The following DCTN1 variants were observed in gnomAD, a reference collection of about 807,000 sequenced individuals.
DCTN1 encodes the protein 150 kDa dynein-associated polypeptide.
Under a neutral mutation model 161.2 loss-of-function variants are expected in DCTN1, and 61 were observed. The ratio of observed to expected loss-of-function variants is 0.38; its 90% confidence interval spans 0.31 to 0.47. The LOEUF (loss-of-function observed/expected upper bound fraction) is 0.47. Ranked by LOEUF, DCTN1 falls within the 20% of genes least tolerant of loss-of-function variation. The pLI is 0.99. For synonymous variants in DCTN1, 653 were observed against 632.4 expected, an observed-to-expected ratio of 1.03 and a Z score of -0.49; for missense variants, 1,404 against 1,623.7, an observed-to-expected ratio of 0.86 and a Z score of 2.33.
At chr2:74,362,565 G>A in intron 30 of DCTN1, 85 bp downstream of exon 30, 1 of 1,429,350 alleles carries the variant, frequency 7.0e-7, no homozygotes, top group Non-Finnish European at 9.7e-7. Context: ...GTCTAGCACA[G>A]GGCTGGGCTC....
chr2:74,378,482 T>G (rs543895990), intron 1 of DCTN1, among the ~76,000 whole-genome samples: 4 of 152,374 alleles, frequency 2.6e-5, no homozygotes, highest in Non-Finnish European at 5.9e-5. Context: ...TTTATATTTT[T>G]TATAACAAAT....
At chr2:74,380,317 A>G (rs1213586936), upstream of DCTN1, 2 of 574,844 alleles carry the variant, frequency 3.5e-6, no homozygotes, top group Non-Finnish European at 6.5e-6. Context: ...ACTCTGCGCT[A>G]GTGCTGCTCT....
Position 74,362,079 on chromosome 2 carries a change from G to A in DCTN1, c.3672C>T (p.Ala1224=). 2 of 1,613,854 alleles carry A rather than the reference G, an allele frequency of 1.2e-6. No homozygotes were observed. The highest frequency in any genetic ancestry group is 1.7e-6 in the Non-Finnish European group (2 of 1,179,868). The change falls in exon 31 of 32, where the codon GCC becomes GCT. Residue 1224 remains alanine, a synonymous_variant. Transcript: ENST00000628224. The part of the protein sequence containing the change: ...RPGATVPTDF[A]TFPSSAFLRA... Reference sequence around the variant, plus strand: ...TGAGGAAGGCTGATGAAGGGAAGGTGGCAAAGTCAGTGGGTACTGTGGCTC... The same window carrying A: ...TGAGGAAGGCTGATGAAGGGAAGGTAGCAAAGTCAGTGGGTACTGTGGCTC...
upstream of DCTN1, among the ~76,000 whole-genome samples, chr2:74,383,068 C>T (rs1462978846): frequency 6.8e-6 from 1 of 147,666 alleles, no homozygotes; most frequent in South Asian, 2.1e-4. Flanking sequence ...GGCGACAGAG[C>T]GAGACTCCGT....
chr2:74,368,120 G>C lies in DCTN1; in HGVS notation c.1866C>G (p.Ile622Met), dbSNP rs774761747. ...CAAACTTCTCCTGGGCCTGCTTCCG[G>C]ATCAGCTCTGCCTGTGGGAAAAAGC... ...MPRLICKAEL[I>M]RKQAQEKFEL... Residue 622 changes from isoleucine to methionine, a missense_variant, in exon 17 of 32, where the codon ATC becomes ATG. Ile to Met is a conservative substitution (Grantham distance 10). Coordinates refer to ENST00000628224, the MANE Select transcript of DCTN1 (RefSeq NM_004082.5). The C allele has an allele frequency of 6.9e-6, 11 of 1,587,368 alleles. No homozygotes were observed. The East Asian group carries it at 2.5e-4, about 37-fold the overall frequency.
chr2:74,362,929 G>T, intron 29 of DCTN1, 65 bp downstream of exon 29: 3 of 1,572,266 alleles, frequency 1.9e-6, no homozygotes, highest in South Asian at 1.1e-5. Flanking sequence ...CCTGAGCAGG[G>T]GCTAAATCCC....
chr2:74,363,955 A>G, intron 26 of DCTN1: 1 of 441,514 alleles, frequency 2.3e-6, no homozygotes, highest in Non-Finnish European at 4.2e-6. Flanking sequence ...ATCTCCAAGA[A>G]GGGCACGGAG....
chr2:74,370,898 G>A lies in DCTN1; in HGVS notation c.844-73C>T. On this transcript the variant is annotated intron_variant, in intron 9 of 31. Coordinates refer to ENST00000628224, the MANE Select transcript of DCTN1 (RefSeq NM_004082.5). The surrounding 1 kb of genome is among the most constrained non-coding windows in gnomAD (Gnocchi z 4.4). ...CAGGCCTTTCTCACAGTATGTTCCAGGCTCCAGCTCCAGTCTAGTTTCCAG... is the reference window on the plus strand; with the variant it reads ...CAGGCCTTTCTCACAGTATGTTCCAAGCTCCAGCTCCAGTCTAGTTTCCAG... 6.2e-7 allele frequency: 1 copy of A among 1,613,358 alleles called. No homozygotes were observed. Among genetic ancestry groups the A allele is most frequent in the Non-Finnish European group, 8.5e-7 (1 of 1,179,814 alleles).
chr2:74,386,135 C>T (rs1675719139), intron 1 of DCTN1, among the ~76,000 whole-genome samples: 1 of 152,160 alleles, frequency 6.6e-6, no homozygotes, highest in Non-Finnish European at 1.5e-5. Context: ...ATCCCACTGT[C>T]CTGCCCCCTC....
intron 8 of DCTN1, 59 bp from the exon 9 acceptor site, chr2:74,371,235 G>C: frequency 6.2e-7 from 1 of 1,608,138 alleles, no homozygotes; most frequent in South Asian, 1.1e-5. Flanking sequence ...CACCAACACT[G>C]AGCTGGCGCA....
At position 74,369,417 on chromosome 2, in the gene DCTN1, C is replaced by T; in HGVS notation, c.1467G>A (p.Leu489=). Residue 489 remains leucine (L), a synonymous_variant, in exon 14 of 32, where the codon CTG becomes CTA. Transcript: ENST00000628224. This position sits in a 1 kb window ranked among gnomAD's most constrained non-coding sequence, Gnocchi z 4.9. The part of the protein sequence containing the change: ...RETELELREQ[L]DMAGARVREA... ...CACGAACCCGCGCGCCTGCCATGTCCAGCTGCTCCCGCAGCTCCAGTTCTG... is the reference window on the plus strand; with the variant it reads ...CACGAACCCGCGCGCCTGCCATGTCTAGCTGCTCCCGCAGCTCCAGTTCTG... The T allele has an allele frequency of 6.2e-7, 1 of 1,614,218 alleles. No homozygotes were observed. The highest frequency in any genetic ancestry group is 8.5e-7 in the Non-Finnish European group (1 of 1,180,038).
At chr2:74,373,011 C>A in intron 6 of DCTN1, 63 bp from the exon 7 acceptor site, 2 of 1,516,710 alleles carry the variant, frequency 1.3e-6, no homozygotes. Context: ...GGCAGAAAGA[C>A]AGAGAGCAAA....
chr2:74,365,715 G>A, intron 24 of DCTN1, 58 bp from the exon 25 acceptor site: 2 of 1,613,178 alleles, frequency 1.2e-6, no homozygotes, highest in South Asian at 1.1e-5. Flanking sequence ...CCTGGAAACT[G>A]GGGGCTAGAC....
chr2:74,377,382 C>T (rs1297924250), intron 4 of DCTN1, 50 bp downstream of exon 4: 8 of 1,538,220 alleles, frequency 5.2e-6, no homozygotes, highest in African/African-American at 1.4e-5. Flanking sequence ...CCTCCTCTTT[C>T]TCCTTCCCCT....
intron 5 of DCTN1, 104 bp downstream of exon 5, chr2:74,376,638 C>G (rs1675242605): frequency 1.7e-6 from 2 of 1,160,126 alleles, no homozygotes; most frequent in Non-Finnish European, 2.5e-6. Flanking sequence ...CATCCCAGCC[C>G]AAGGTCACAC....
At position 74,390,223 on chromosome 2, in the gene DCTN1, GA is replaced by G. The variant is rs1361253401; in HGVS notation, c.-19+1570del. On this transcript the variant is annotated intron_variant, in intron 1 of 27. Transcript: ENST00000409240. ...GAAGAATTAAATACAATTCCGCTTAGAAAAATCATAGTAGGCACAGCTGTCA... is the reference window on the plus strand; with the variant it reads ...GAAGAATTAAATACAATTCCGCTTAGAAAATCATAGTAGGCACAGCTGTCA... 2.0e-5 allele frequency among the ~76,000 whole-genome samples: 3 copies of G among 152,176 alleles called. No homozygotes were observed. In the East Asian group the frequency reaches 5.8e-4, roughly 29 times the overall value.
At chr2:74,368,989 G>A (rs1478330094) in intron 15 of DCTN1, 109 bp from the exon 16 acceptor site, 1 of 1,566,148 alleles carries the variant, frequency 6.4e-7, no homozygotes, top group African/African-American at 1.4e-5. Context: ...CCAGGCCAGA[G>A]TCTTCCAAAC....
At chr2:74,387,531 TTC>T (rs1440614776) in intron 1 of DCTN1, among the ~76,000 whole-genome samples, 2 of 152,198 alleles carry the variant, frequency 1.3e-5, no homozygotes, top group African/African-American at 2.4e-5. Context: ...TTCTTCTATA[TTC>T]TCTCTTTGCT....
At chr2:74,385,538 C>T (rs1225841837) in intron 1 of DCTN1, 2 of 152,314 alleles carry the variant, frequency 1.3e-5, no homozygotes, top group Non-Finnish European at 2.9e-5. Flanking sequence ...AACAAAGCCA[C>T]AGCCCTATCG....
Sources: allele counts gnomAD v4.1 joint callset (sites outside exome capture counted in the v4.1 genomes callset), GRCh38; gene constraint gnomAD v4.1.1; non-coding constraint Gnocchi (gnomAD v3.1); transcripts MANE v1.5; gene names NCBI Gene and HGNC (gene_info 2026-07-23, HGNC 2026-07-21).